RNF38: variants seen among roughly 807,000 people sequenced by gnomAD.
RNF38 encodes the protein E3 ubiquitin-protein ligase RNF38.
Under a neutral mutation model 67.2 loss-of-function variants are expected in RNF38, and 15 were observed. That is an observed-to-expected ratio of 0.22 (90% CI 0.15 to 0.34). The LOEUF (loss-of-function observed/expected upper bound fraction) is 0.34. Ranked by LOEUF, RNF38 falls within the 10% of genes least tolerant of loss-of-function variation. The probability of loss-of-function intolerance (pLI) is 1.00; values close to 1 mark genes in which losing one functional copy is unlikely to be tolerated. For synonymous variants in RNF38, 220 were observed against 218.8 expected (o/e 1.01, Z -0.05); for missense variants, 524 against 639.9 (o/e 0.82, Z 1.95).
intron 1 of RNF38, among the ~76,000 whole-genome samples, chr9:36,462,037 A>G (rs528647151): frequency 6.6e-6 from 1 of 152,318 alleles, no homozygotes; most frequent in Admixed American, 6.5e-5. Flanking sequence ...TGCAAAGGTA[A>G]GAGGAAAACA....
At chr9:36,453,444 G>A (rs2134344960) in intron 1 of RNF38, among the ~76,000 whole-genome samples, 1 of 150,006 alleles carries the variant, frequency 6.7e-6, no homozygotes, top group South Asian at 2.1e-4. Flanking sequence ...GTGCAATGGT[G>A]CGATCTCAGA....
chr9:36,363,341 A>T (rs968827305), intron 4 of RNF38, among the ~76,000 whole-genome samples: 2 of 101,244 alleles, frequency 2.0e-5, no homozygotes, highest in African/African-American at 5.9e-5. Flanking sequence ...TCTCTTGATT[A>T]CACTAAGAAT....
chr9:36,465,687 C>T (rs181317066), intron 1 of RNF38, among the ~76,000 whole-genome samples: 26 of 152,306 alleles, frequency 1.7e-4, no homozygotes, highest in African/African-American at 5.8e-4. Flanking sequence ...GGATGCAATC[C>T]ATATGTGCAT....
intron 5 of RNF38, 36 bp downstream of exon 5, chr9:36,357,739 T>C (rs1480523987): frequency 1.0e-5 from 16 of 1,581,286 alleles, no homozygotes; most frequent in South Asian, 1.0e-4. Context: ...GTGTGCTTAA[T>C]AGTAATATCT....
intron 1 of RNF38, among the ~76,000 whole-genome samples, chr9:36,464,998 A>C (rs1839826637): frequency 6.6e-6 from 1 of 152,230 alleles, no homozygotes; most frequent in Non-Finnish European, 1.5e-5. Context: ...CCAATAACAC[A>C]AAAAGATACT....
intron 1 of RNF38, among the ~76,000 whole-genome samples, chr9:36,465,740 T>C (rs1370576895): frequency 6.6e-6 from 1 of 152,154 alleles, no homozygotes; most frequent in Non-Finnish European, 1.5e-5. Context: ...ATACAACTAA[T>C]ATTTACCTAC....
At chr9:36,345,953 A>T (rs1238900599) in intron 9 of RNF38, among the ~76,000 whole-genome samples, 1 of 152,206 alleles carries the variant, frequency 6.6e-6, no homozygotes. Flanking sequence ...CTTATACCAT[A>T]AGACCCATCG....
chr9:36,436,004 G>A (rs1240085044), intron 1 of RNF38, among the ~76,000 whole-genome samples: 1 of 152,164 alleles, frequency 6.6e-6, no homozygotes, highest in East Asian at 1.9e-4. Context: ...AGAACCTATA[G>A]ATTTTTACTT....
At chr9:36,385,213 G>C (rs906396406) in intron 2 of RNF38, among the ~76,000 whole-genome samples, 3 of 151,974 alleles carry the variant, frequency 2.0e-5, no homozygotes, top group Non-Finnish European at 4.4e-5. Context: ...ACCATTTCTT[G>C]ATCAGATTTT....
At position 36,433,971 on chromosome 9, in the gene RNF38, G is replaced by C. The variant is rs10972899; in HGVS notation, n.242-9288C>G. On this transcript the variant is annotated intron_variant and non_coding_transcript_variant, in intron 1 of 3. Coordinates refer to the RNF38 transcript ENST00000488058. Reference sequence around the variant, plus strand: ...TATAACTTTTAGGCCAGGCGCGGTGGCTCATGCCTGTAATTCCAGACTTAG... The same window carrying C: ...TATAACTTTTAGGCCAGGCGCGGTGCCTCATGCCTGTAATTCCAGACTTAG... Among the ~76,000 whole-genome samples, 66 of 152,002 alleles carry C rather than the reference G, an allele frequency of 4.3e-4. No homozygotes were observed. In the East Asian group the frequency reaches 0.011, roughly 26 times the overall value.
At chr9:36,426,656 T>C (rs543564516) in intron 1 of RNF38, among the ~76,000 whole-genome samples, 79 of 152,372 alleles carry the variant, frequency 5.2e-4, no homozygotes, top group Non-Finnish European at 9.0e-4. Flanking sequence ...GATCTCTCTA[T>C]TCAACCTTTT....
chr9:36,359,180 G>T (rs1834338647), intron 4 of RNF38, among the ~76,000 whole-genome samples: 2 of 151,914 alleles, frequency 1.3e-5, no homozygotes, highest in Admixed American at 1.3e-4. Context: ...AGAGGTATAT[G>T]AATCTATTGC....
At chr9:36,418,818 G>A (rs543291679) in intron 2 of RNF38, among the ~76,000 whole-genome samples, 16 of 150,314 alleles carry the variant, frequency 1.1e-4, no homozygotes, top group African/African-American at 2.9e-4. Flanking sequence ...AAATTAGCTG[G>A]GCATGGTGGT....
intron 1 of RNF38, among the ~76,000 whole-genome samples, chr9:36,453,139 T>C (rs1237455839): frequency 6.6e-6 from 1 of 152,174 alleles, no homozygotes; most frequent in Non-Finnish European, 1.5e-5. Context: ...TTCCAATTTC[T>C]CCACATCCTT....
chr9:36,459,502 A>T (rs990731175), intron 1 of RNF38, among the ~76,000 whole-genome samples: 3 of 152,194 alleles, frequency 2.0e-5, no homozygotes, highest in African/African-American at 7.2e-5. Context: ...TATTTAGAGA[A>T]TAAATCCATT....
intron 1 of RNF38, among the ~76,000 whole-genome samples, chr9:36,439,044 C>A (rs1444860036): frequency 7.4e-6 from 1 of 134,556 alleles, no homozygotes; most frequent in Non-Finnish European, 1.6e-5. Context: ...TACTTCAAAT[C>A]TATGCAGAAT....
At position 36,397,287 on chromosome 9, in the gene RNF38, T is replaced by C. The variant is rs113139212; in HGVS notation, c.12+2810A>G. 6.3e-3 allele frequency among the ~76,000 whole-genome samples: 964 copies of C among 152,162 alleles called. 13 individuals are homozygous for C. The highest frequency in any genetic ancestry group is 0.022 in the African/African-American group (922 of 41,520). Reference sequence around the variant, plus strand: ...GGTCACCACACCCGACTAATTTTTTTATTTTTAGTAGAGACAGGATTTCAT... The same window carrying C: ...GGTCACCACACCCGACTAATTTTTTCATTTTTAGTAGAGACAGGATTTCAT... On this transcript the variant is annotated intron_variant, in intron 1 of 11. Transcript: ENST00000259605.
chr9:36,445,104 G>A (rs528348355), intron 1 of RNF38, among the ~76,000 whole-genome samples: 19 of 152,294 alleles, frequency 1.2e-4, no homozygotes, highest in Admixed American at 7.8e-4. Flanking sequence ...ACACTTCACC[G>A]TCTTTTGCGA....
chr9:36,381,067 G>T (rs976868994), intron 2 of RNF38, among the ~76,000 whole-genome samples: 2 of 152,190 alleles, frequency 1.3e-5, no homozygotes, highest in Non-Finnish European at 2.9e-5. Flanking sequence ...GACTTCGAGT[G>T]GAAGTGGGTT....
Sources: gnomAD v4.1 joint callset for allele counts (sites outside exome capture counted in the v4.1 genomes callset) on GRCh38, gnomAD v4.1.1 for gene constraint, MANE v1.5 for transcripts, NCBI Gene and HGNC (gene_info 2026-07-23, HGNC 2026-07-21) for gene names.